Variants in TNR observed in about 807,000 individuals in gnomAD.
TNR encodes the protein tenascin R.
In TNR, 45 loss-of-function variants were observed where a neutral mutation model predicts 150.4. The ratio of observed to expected loss-of-function variants is 0.30; its 90% CI spans 0.24 to 0.38. The LOEUF is 0.38. Ranked by LOEUF, TNR falls within the 10% of genes least tolerant of loss-of-function variation. The pLI, the probability that TNR is intolerant of heterozygous loss-of-function variation, is 1.00. For synonymous variants in TNR, 687 were observed against 678.4 expected, an observed-to-expected ratio of 1.01 and a Z score of -0.20; for missense variants, 1,544 against 1,759.1, an observed-to-expected ratio of 0.88 and a Z score of 2.19.
intron 1 of TNR, among the ~76,000 whole-genome samples, chr1:175,663,621 A>G (rs1665444331): frequency 6.6e-6 from 1 of 152,208 alleles, no homozygotes; most frequent in Non-Finnish European, 1.5e-5. Flanking sequence ...ATGGATGATT[A>G]TGATATAGTG....
At chr1:175,446,243 A>G (rs1481685557) in intron 2 of TNR, among the ~76,000 whole-genome samples, 1 of 152,196 alleles carries the variant, frequency 6.6e-6, no homozygotes, top group Non-Finnish European at 1.5e-5. Context: ...TCAGAGCCTG[A>G]TGCTTGTACT....
intron 1 of TNR, among the ~76,000 whole-genome samples, chr1:175,616,429 A>T (rs4319279): frequency 0.16 from 24,317 of 152,112 alleles, 3,328 homozygotes; most frequent in African/African-American, 0.37. Context: ...GGGTGATGCT[A>T]GGTGTGCTCT....
chr1:175,740,598 G>C (rs186823204), intron 1 of TNR, among the ~76,000 whole-genome samples: 134 of 152,242 alleles, frequency 8.8e-4, no homozygotes, highest in African/African-American at 2.8e-3. Flanking sequence ...CACAGTGAAG[G>C]GGGGTTGGGC....
chr1:175,417,011 A>AAAGAAAGAAAG (rs1553218221), intron 2 of TNR, among the ~76,000 whole-genome samples: 42 of 90,896 alleles, frequency 4.6e-4, no homozygotes, highest in African/African-American at 1.7e-3. Flanking sequence ...CCATCTCAAA[A>AAAGAAAGAAAG]AAAGAAAGAA....
chr1:175,427,888 CGCTT>C (rs1264143654), intron 2 of TNR, among the ~76,000 whole-genome samples: 31 of 63,370 alleles, frequency 4.9e-4, no homozygotes, highest in African/African-American at 2.3e-3. Context: ...CTCCCTTCTT[CGCTT>C]CCTTCCTTCC....
At chr1:175,388,698 C>T (rs895316225) in intron 7 of TNR, among the ~76,000 whole-genome samples, 3 of 152,122 alleles carry the variant, frequency 2.0e-5, no homozygotes, top group South Asian at 2.1e-4. Context: ...AAACACAATC[C>T]CTGCTCAAAA....
intron 15 of TNR, among the ~76,000 whole-genome samples, chr1:175,358,797 C>A (rs895728429): frequency 6.6e-6 from 1 of 152,172 alleles, no homozygotes; most frequent in Non-Finnish European, 1.5e-5. Context: ...TTCAAGATTT[C>A]GTGTTAGTTA....
intron 2 of TNR, among the ~76,000 whole-genome samples, chr1:175,440,481 A>G (rs931498776): frequency 6.6e-6 from 1 of 152,048 alleles, no homozygotes; most frequent in Admixed American, 6.6e-5. Flanking sequence ...TACATATGTA[A>G]CAAACCTGTA....
intron 2 of TNR, among the ~76,000 whole-genome samples, chr1:175,412,101 T>C (rs1381477946): frequency 1.3e-5 from 2 of 152,084 alleles, no homozygotes; most frequent in Non-Finnish European, 2.9e-5. Context: ...TCTATCTCCA[T>C]TATTTAAGAT....
At chr1:175,630,456 G>A (rs1558045450) in intron 1 of TNR, among the ~76,000 whole-genome samples, 2 of 152,162 alleles carry the variant, frequency 1.3e-5, no homozygotes, top group Non-Finnish European at 1.5e-5. Flanking sequence ...TTAAGCAGCC[G>A]CCATGTAGCA....
At chr1:175,603,823 C>T (rs1663326098) in intron 1 of TNR, among the ~76,000 whole-genome samples, 1 of 152,218 alleles carries the variant, frequency 6.6e-6, no homozygotes, top group Admixed American at 6.5e-5. Context: ...GTGTGCTGCA[C>T]TCACCACGTC....
intron 1 of TNR, among the ~76,000 whole-genome samples, chr1:175,720,298 C>G (rs1456355637): frequency 6.6e-6 from 1 of 152,178 alleles, no homozygotes; most frequent in Non-Finnish European, 1.5e-5. Context: ...GATACACTGA[C>G]AAGTTGATCA....
chr1:175,676,350 C>T (rs574438129), intron 1 of TNR, among the ~76,000 whole-genome samples: 1 of 152,132 alleles, frequency 6.6e-6, no homozygotes, highest in Non-Finnish European at 1.5e-5. Context: ...CTTTCCCCAG[C>T]GTGCACCTCA....
intron 1 of TNR, among the ~76,000 whole-genome samples, chr1:175,583,075 T>C (rs935956727): frequency 6.6e-6 from 1 of 152,114 alleles, no homozygotes; most frequent in African/African-American, 2.4e-5. Context: ...GTCTCAGCTA[T>C]TCTGTTATAG....
At chr1:175,703,008 A>G (rs1337157894) in intron 1 of TNR, among the ~76,000 whole-genome samples, 2 of 152,046 alleles carry the variant, frequency 1.3e-5, no homozygotes, top group Non-Finnish European at 2.9e-5. Context: ...AGAACACCAT[A>G]TTTCGACATT....
At chr1:175,441,858 TAAA>T (rs1327418663) in intron 2 of TNR, among the ~76,000 whole-genome samples, 1 of 152,124 alleles carries the variant, frequency 6.6e-6, no homozygotes, top group Non-Finnish European at 1.5e-5. Context: ...AAAGGCTTCT[TAAA>T]AAAATCTAAA....
intron 21 of TNR, 98 bp downstream of exon 21, chr1:175,329,976 G>C: frequency 7.8e-7 from 1 of 1,289,380 alleles, no homozygotes; most frequent in South Asian, 2.1e-5. Flanking sequence ...CTGGAACTCT[G>C]TGGGTGCTGC....
At chr1:175,331,034 T>TTTCTTTCTTTCC (rs1649754088) in intron 20 of TNR, among the ~76,000 whole-genome samples, 1 of 69,036 alleles carries the variant, frequency 1.4e-5, no homozygotes, top group Non-Finnish European at 3.1e-5. Flanking sequence ...TCTTTCTTTC[T>TTTCTTTCTTTCC]TTCTTTCTTT....
chr1:175,401,520 A>G (rs863517), intron 4 of TNR, among the ~76,000 whole-genome samples: 57,264 of 151,890 alleles, frequency 0.38, 11,122 homozygotes, highest in East Asian at 0.54. Flanking sequence ...TTTTAGAAAG[A>G]TATTTCAATT....
Sources: allele counts gnomAD v4.1 joint callset (sites outside exome capture counted in the v4.1 genomes callset), GRCh38; gene constraint gnomAD v4.1.1; transcripts MANE v1.5; gene names NCBI Gene and HGNC (gene_info 2026-07-23, HGNC 2026-07-21).